The following EED variants were observed in gnomAD, a reference collection of about 807,000 sequenced individuals.
EED encodes polycomb protein EED.
EED carries 9 observed loss-of-function variants against 61.0 expected under a neutral mutation model. The ratio of observed to expected loss-of-function variants is 0.15; its 90% CI spans 0.09 to 0.26. EED has a LOEUF of 0.26. EED is among the 10% of genes least tolerant of loss of function. The probability of loss-of-function intolerance (pLI) is 1.00; values close to 1 mark genes in which losing one functional copy is unlikely to be tolerated. For missense variants in EED, 315 were observed against 542.3 expected (o/e 0.58, Z 4.16); for synonymous variants, 187 against 174.4 (o/e 1.07, Z -0.57).
intron 2 of EED, among the ~76,000 whole-genome samples, 176 bp downstream of exon 2, chr11:86,250,624 C>T (rs1219222720): frequency 6.6e-6 from 1 of 151,778 alleles, no homozygotes; most frequent in Non-Finnish European, 1.5e-5. Context: ...TAGTCCATCC[C>T]ATGTTTAGTT....
chr11:86,251,319 T>C (rs1477707425), intron 2 of EED, among the ~76,000 whole-genome samples: 1 of 152,206 alleles, frequency 6.6e-6, no homozygotes, highest in Non-Finnish European at 1.5e-5. Context: ...TAGTTTCATG[T>C]GCATATTTAT....
chr11:86,277,756 C>A, intron 10 of EED, 162 bp from the exon 11 acceptor site: 1 of 488,124 alleles, frequency 2.0e-6, no homozygotes, highest in Non-Finnish European at 3.3e-6. Flanking sequence ...TGCTCTTATT[C>A]ATATTTACGA....
At chr11:86,245,477 G>C (rs1303232004) in intron 1 of EED, 134 bp downstream of exon 1, 13 of 748,688 alleles carry the variant, frequency 1.7e-5, no homozygotes, top group Non-Finnish European at 2.9e-5. Context: ...GGGCGTGCGG[G>C]AGAAAATTGA....
At chr11:86,281,657 T>C (rs1015056430), downstream of EED, among the ~76,000 whole-genome samples, 4 of 152,202 alleles carry the variant, frequency 2.6e-5, no homozygotes, top group African/African-American at 9.6e-5. Context: ...TATATGTTTC[T>C]AGAGTCGGGG....
At chr11:86,250,162 G>T in intron 1 of EED, 134 bp from the exon 2 acceptor site, 1 of 730,138 alleles carries the variant, frequency 1.4e-6, no homozygotes, top group Non-Finnish European at 2.0e-6. Flanking sequence ...TCCTTATGTG[G>T]AGGCAAGAAT....
intron 3 of EED, 81 bp from the exon 4 acceptor site, chr11:86,255,141 C>T (rs142879202): frequency 0.011 from 11,586 of 1,092,260 alleles, 105 homozygotes; most frequent in South Asian, 0.017. Flanking sequence ...GATAGGATTG[C>T]GATTAAAATA....
At chr11:86,273,167 G>A (rs1418685305) in intron 9 of EED, among the ~76,000 whole-genome samples, 2 of 152,168 alleles carry the variant, frequency 1.3e-5, no homozygotes, top group Admixed American at 6.5e-5. Context: ...AGGACTAGAG[G>A]CATGCACCAC....
chr11:86,282,652 G>A (rs958657814), downstream of EED, among the ~76,000 whole-genome samples: 1 of 152,084 alleles, frequency 6.6e-6, no homozygotes, highest in Non-Finnish European at 1.5e-5. Context: ...TTCCAGTTTT[G>A]TTGTTACTAG....
At chr11:86,263,570 A>G (rs1050161984) in intron 6 of EED, among the ~76,000 whole-genome samples, 8 of 152,208 alleles carry the variant, frequency 5.3e-5, no homozygotes, top group Admixed American at 5.2e-4. Flanking sequence ...TTGTTGAGAC[A>G]GGGTCTTGCT....
Position 86,245,360 on chromosome 11 carries a change from G to A in EED, c.114+17G>A. ...GACGAGAATGTAAGTGCAGCTTCTGGCAGTTACGAGACTGCGGAGTGAAAG... is the reference window on the plus strand; with the variant it reads ...GACGAGAATGTAAGTGCAGCTTCTGACAGTTACGAGACTGCGGAGTGAAAG... On this transcript the variant is annotated intron_variant, in intron 1 of 11. Transcript: ENST00000263360. 1 of 1,590,916 alleles carries A rather than the reference G, an allele frequency of 6.3e-7. No individual in the cohort carries two copies. Among genetic ancestry groups the A allele is most frequent in the South Asian group, 1.1e-5 (1 of 90,354 alleles).
chr11:86,277,032 T>G lies in EED; in HGVS notation c.1019T>G (p.Ile340Arg), dbSNP rs747972868. Residue 340 changes from isoleucine (I) to arginine (R), a missense_variant, in exon 10 of 12, where the codon ATA (isoleucine) becomes AGA (arginine). Ile to Arg is a moderately conservative substitution (Grantham distance 97, BLOSUM62 -3). Around this residue, in one of 2 missense-constraint regions of EED, gnomAD observed 205 missense variants for 455.4 expected, o/e 0.45. Transcript: ENST00000263360. ...AAACCTGGCAAGATGGAAGATGATA[T>G]AGATAAAATTAAACCCAGTGAATCT... ...CWKPGKMEDDIDKIKPSESNV... is the reference protein window; with the variant it reads ...CWKPGKMEDDRDKIKPSESNV... 4 of 1,565,876 alleles carry G rather than the reference T, an allele frequency of 2.6e-6. No individual in the cohort carries two copies. The highest frequency in any genetic ancestry group is 3.5e-6 in the Non-Finnish European group (4 of 1,147,826).
rs1289133315 is a variant in EED, at chr11:86,276,588, G to A, written c.967-392G>A. ...GATGAAACTAGTGAAGTAAGCAAGA[G>A]CCAGATTAATGCCGGATTCTGAAAA... On this transcript the variant is annotated intron_variant, in intron 9 of 11. Coordinates refer to ENST00000263360, the MANE Select transcript of EED (RefSeq NM_003797.5). 3 of 153,918 alleles carry A rather than the reference G, an allele frequency of 1.9e-5. No individual in the cohort carries two copies. The Admixed American group carries it at 2.0e-4, about 10-fold the overall frequency. The allele number at this position is 153,918 out of a possible 1,614,324, so 9.5% of individuals were successfully genotyped here. A position where few individuals can be genotyped will look rare whatever the true frequency, so the allele number is the denominator to read the frequency against.
At chr11:86,285,032 G>A in the EED span, among the ~76,000 whole-genome samples, 1 of 152,170 alleles carries the variant, frequency 6.6e-6, no homozygotes, top group Non-Finnish European at 1.5e-5. Flanking sequence ...AATCACTTGA[G>A]CCCGTGAGGC....
At chr11:86,256,719 A>C (rs564578352) in intron 5 of EED, among the ~76,000 whole-genome samples, 1 of 152,314 alleles carries the variant, frequency 6.6e-6, no homozygotes, top group Admixed American at 6.5e-5. Context: ...AAATGTTAAT[A>C]TTTGTAGTGC....
rs566463938 is a variant in EED, at chr11:86,258,992, G to A, written c.634+1396G>A. On this transcript the variant is annotated intron_variant, in intron 6 of 11. Transcript: ENST00000263360. ...GGTGATTCTCCTGCCTGACCCTCCCGAGTAGCTGGGATTACAGGCGCCCTC... is the reference window on the plus strand; with the variant it reads ...GGTGATTCTCCTGCCTGACCCTCCCAAGTAGCTGGGATTACAGGCGCCCTC... Among the ~76,000 whole-genome samples, 29 of 151,842 alleles carry A rather than the reference G, an allele frequency of 1.9e-4. 1 individual carries two copies. The highest frequency in any genetic ancestry group is 6.2e-4 in the South Asian group (3 of 4,808).
intron 1 of EED, among the ~76,000 whole-genome samples, chr11:86,248,740 T>A (rs1001254884): frequency 6.6e-6 from 1 of 150,468 alleles, no homozygotes; most frequent in Non-Finnish European, 1.5e-5. Context: ...GAGTTGTGGC[T>A]GGGCGCAGTG....
chr11:86,254,067 A>G (rs1317347695), intron 3 of EED, among the ~76,000 whole-genome samples: 3 of 146,028 alleles, frequency 2.1e-5, no homozygotes, highest in Admixed American at 6.7e-5. Flanking sequence ...AAAAAAAAAA[A>G]AAAAAAAAGA....
At chr11:86,271,742 CAT>C (rs1166498593) in intron 9 of EED, among the ~76,000 whole-genome samples, 6 of 151,986 alleles carry the variant, frequency 3.9e-5, no homozygotes, top group African/African-American at 1.5e-4. Flanking sequence ...TTTATATGCT[CAT>C]ATGGTTTATC....
At chr11:86,280,627 T>A (rs1946311903), downstream of EED, among the ~76,000 whole-genome samples, 1 of 152,128 alleles carries the variant, frequency 6.6e-6, no homozygotes, top group South Asian at 2.1e-4. Flanking sequence ...CAAGAAGAAA[T>A]TATATATATG....
Sources: gnomAD v4.1 joint callset for allele counts (sites outside exome capture counted in the v4.1 genomes callset) on GRCh38, gnomAD v4.1.1 for gene constraint, gnomAD v4.1.1 regional missense constraint, MANE v1.5 for transcripts, NCBI Gene and HGNC (gene_info 2026-07-23, HGNC 2026-07-21) for gene names.